SH3PXD2A: variants seen among roughly 807,000 people sequenced by gnomAD.
SH3PXD2A encodes the protein SH3 and PX domains 2A, also known as SH3 and PX domain-containing protein 2A.
In SH3PXD2A, 32 loss-of-function variants were observed where a neutral mutation model predicts 115.2. The observed-to-expected ratio is 0.28, with a 90% confidence interval of 0.21 to 0.37. The LOEUF is 0.37. Ranked by LOEUF, SH3PXD2A falls within the 10% of genes least tolerant of loss-of-function variation. The pLI, the probability that SH3PXD2A is intolerant of heterozygous loss-of-function variation, is 1.00. For synonymous variants in SH3PXD2A, 610 were observed against 629.1 expected, an observed-to-expected ratio of 0.97 and a Z score of 0.45; for missense variants, 1,328 against 1,498.7, an observed-to-expected ratio of 0.89 and a Z score of 1.88.
chr10:103,781,769 A>G (rs1291089696), intron 2 of SH3PXD2A, among the ~76,000 whole-genome samples: 1 of 152,216 alleles, frequency 6.6e-6, no homozygotes, highest in African/African-American at 2.4e-5. Flanking sequence ...TTCCCCCGGA[A>G]GGACTGAGAA....
At chr10:103,750,984 C>G (rs1484165529) in intron 3 of SH3PXD2A, among the ~76,000 whole-genome samples, 1 of 152,198 alleles carries the variant, frequency 6.6e-6, no homozygotes, top group Admixed American at 6.5e-5. Flanking sequence ...CCGCAGAACA[C>G]CACAGCGGGA....
chr10:103,691,550 T>C (rs1238067739), intron 6 of SH3PXD2A, among the ~76,000 whole-genome samples: 2 of 152,086 alleles, frequency 1.3e-5, no homozygotes, highest in African/African-American at 4.8e-5. Flanking sequence ...AGTGGAGGAA[T>C]GCTCTTCCCC....
rs1439522201 is a variant in SH3PXD2A at position 103,602,652 on chromosome 10, C to A, written c.2566G>T (p.Asp856Tyr). The change falls in exon 15 of 15, where the codon GAC becomes TAC. Residue 856 changes from aspartate to tyrosine, a missense_variant. Physicochemically the swap from Asp to Tyr is radical, Grantham distance 160. This residue lies in a region of SH3PXD2A where 574 missense variants were observed against 565.7 expected (regional missense o/e 1.01). Coordinates refer to ENST00000369774, the MANE Select transcript of SH3PXD2A (RefSeq NM_001394015.1). ...CCCGCGGGGAAGCTGATCTCCGAGT[C>A]CTGGACCTTCTGGTAGGCGCTGCAT... ...MTCSAYQKVQDSEISFPAGVE... is the reference protein window; with the variant it reads ...MTCSAYQKVQYSEISFPAGVE... 6.2e-7 allele frequency: 1 copy of A among 1,614,194 alleles called. No homozygotes were observed. The highest frequency in any genetic ancestry group is 2.2e-5 in the East Asian group (1 of 44,872).
At chr10:103,836,915 G>A (rs1402509778) in intron 1 of SH3PXD2A, among the ~76,000 whole-genome samples, 4 of 152,170 alleles carry the variant, frequency 2.6e-5, no homozygotes, top group Non-Finnish European at 4.4e-5. Flanking sequence ...CTGGGCACAG[G>A]AGCCGGCAGC....
rs74878367 is a variant in SH3PXD2A, at chr10:103,816,626, C to T, written c.73-15264G>A. ...CTCAGATGGTTAAACGTAGCGTCAC[C>T]GGATGACTCAGCAATTCTATTCTGA... On this transcript the variant is annotated intron_variant, in intron 1 of 14. Coordinates refer to ENST00000369774, the MANE Select transcript of SH3PXD2A (RefSeq NM_001394015.1). Among the ~76,000 whole-genome samples the T allele has an allele frequency of 6.6e-3, 999 of 152,188 alleles. 4 individuals are homozygous for T. Among genetic ancestry groups the T allele is most frequent in the Non-Finnish European group, 0.01 (711 of 68,022 alleles).
chr10:103,632,271 G>A (rs2036792127), intron 8 of SH3PXD2A, among the ~76,000 whole-genome samples: 1 of 152,226 alleles, frequency 6.6e-6, no homozygotes, highest in African/African-American at 2.4e-5. Context: ...GCCTCTGCAT[G>A]CATTGGAGGG....
chr10:103,659,586 C>T (rs575065889), intron 8 of SH3PXD2A, among the ~76,000 whole-genome samples: 1 of 152,202 alleles, frequency 6.6e-6, no homozygotes, highest in East Asian at 1.9e-4. Context: ...ACAAAGCTGC[C>T]CAGGGAGGAG....
intron 3 of SH3PXD2A, chr10:103,747,063 G>C (rs2038512473): frequency 6.6e-6 from 1 of 152,364 alleles, no homozygotes; most frequent in African/African-American, 2.4e-5. Flanking sequence ...ACAAGGACGG[G>C]CACACAGGGA....
At chr10:103,808,409 AC>A (rs1357327203) in intron 1 of SH3PXD2A, among the ~76,000 whole-genome samples, 1 of 151,798 alleles carries the variant, frequency 6.6e-6, no homozygotes, top group Non-Finnish European at 1.5e-5. Context: ...CTGCCATCAC[AC>A]CTGGCTAATT....
chr10:103,798,614 G>A (rs2039117506), intron 2 of SH3PXD2A, among the ~76,000 whole-genome samples: 1 of 152,202 alleles, frequency 6.6e-6, no homozygotes, highest in Non-Finnish European at 1.5e-5. Flanking sequence ...TTAGAACCAC[G>A]AGTTGGTGAA....
chr10:103,707,485 G>A (rs191952985), intron 5 of SH3PXD2A, among the ~76,000 whole-genome samples: 4 of 151,968 alleles, frequency 2.6e-5, no homozygotes, highest in East Asian at 3.9e-4. Flanking sequence ...GTGAGCCACC[G>A]CGCCAGGCTG....
chr10:103,786,010 G>C (rs916946257), intron 2 of SH3PXD2A, among the ~76,000 whole-genome samples: 6 of 151,992 alleles, frequency 3.9e-5, no homozygotes, highest in South Asian at 4.2e-4. Flanking sequence ...GAGAGAAATA[G>C]AGAAACTGAG....
chr10:103,789,790 G>A (rs565574976), intron 2 of SH3PXD2A, among the ~76,000 whole-genome samples: 1 of 152,308 alleles, frequency 6.6e-6, no homozygotes, highest in African/African-American at 2.4e-5. Flanking sequence ...CCTCCCTGAC[G>A]TGACACCCAA....
At chr10:103,776,061 T>C (rs2038874812) in intron 2 of SH3PXD2A, among the ~76,000 whole-genome samples, 1 of 152,198 alleles carries the variant, frequency 6.6e-6, no homozygotes, top group Non-Finnish European at 1.5e-5. Context: ...ACCTATATTA[T>C]CTGGCTCATG....
intron 2 of SH3PXD2A, among the ~76,000 whole-genome samples, chr10:103,800,259 C>T (rs1190097819): frequency 6.6e-6 from 1 of 152,158 alleles, no homozygotes; most frequent in Non-Finnish European, 1.5e-5. Flanking sequence ...CCCTAGTGGC[C>T]ATGTCTGTGC....
chr10:103,722,279 G>A (rs1458220805), intron 5 of SH3PXD2A, among the ~76,000 whole-genome samples: 3 of 148,914 alleles, frequency 2.0e-5, no homozygotes, highest in African/African-American at 5.0e-5. Flanking sequence ...ACTCCAGCCT[G>A]GGTGACAGAG....
intron 9 of SH3PXD2A, among the ~76,000 whole-genome samples, chr10:103,624,771 G>A (rs1005811355): frequency 6.6e-6 from 1 of 152,102 alleles, no homozygotes; most frequent in South Asian, 2.1e-4. Flanking sequence ...AACTAGTGTC[G>A]GCCAATCTCT....
intron 3 of SH3PXD2A, among the ~76,000 whole-genome samples, chr10:103,737,064 C>T (rs1219929712): frequency 3.3e-5 from 5 of 152,080 alleles, no homozygotes; most frequent in African/African-American, 1.2e-4. Context: ...GGGAAGCAAA[C>T]GGAATGAGAG....
At chr10:103,822,549 G>A (rs763743223) in intron 1 of SH3PXD2A, among the ~76,000 whole-genome samples, 5 of 145,808 alleles carry the variant, frequency 3.4e-5, no homozygotes, top group African/African-American at 1.1e-4. Context: ...GGGCATGGTG[G>A]GGGGGGAGCA....
Sources: allele counts gnomAD v4.1 joint callset (sites outside exome capture counted in the v4.1 genomes callset), GRCh38; gene constraint gnomAD v4.1.1; regional missense constraint gnomAD v4.1.1; transcripts MANE v1.5; gene names NCBI Gene and HGNC (gene_info 2026-07-23, HGNC 2026-07-21).